SLC35F4: variants seen among roughly 807,000 people sequenced by gnomAD.
SLC35F4 encodes chromosome 14 open reading frame 36.
In SLC35F4, 24 loss-of-function variants were observed where a neutral mutation model predicts 44.2. That is an observed-to-expected ratio of 0.54 (90% CI 0.39 to 0.76). SLC35F4 has a LOEUF of 0.76. Among genes scored for constraint, SLC35F4 ranks in the 30% least tolerant of loss-of-function variants. The pLI, the probability that SLC35F4 is intolerant of heterozygous loss-of-function variation, is 0.00. For synonymous variants in SLC35F4, 238 were observed against 223.6 expected, an observed-to-expected ratio of 1.06 and a Z score of -0.57; for missense variants, 562 against 586.1, an observed-to-expected ratio of 0.96 and a Z score of 0.42.
At position 57,813,531 on chromosome 14, in the gene SLC35F4, A is replaced by G. The variant is rs185694147; in HGVS notation, c.103+52192T>C. Among the ~76,000 whole-genome samples, 888 of 152,326 alleles carry G rather than the reference A, an allele frequency of 5.8e-3. 4 individuals are homozygous for G. The highest frequency in any genetic ancestry group is 7.7e-3 in the Non-Finnish European group (527 of 68,030). On this transcript the variant is annotated intron_variant, in intron 1 of 7. Transcript: ENST00000556826. ...CTTGAACCCAGGAGGCAGAGGTTGC[A>G]GTGAGCAGAGTGAGACTGTCTCAAA...
intron 1 of SLC35F4, among the ~76,000 whole-genome samples, chr14:57,955,300 A>G (rs1180993939): frequency 6.6e-6 from 1 of 152,220 alleles, no homozygotes; most frequent in Non-Finnish European, 1.5e-5. Flanking sequence ...TCTCAAAATA[A>G]TAACAGCTAT....
rs140454583 is a variant in SLC35F4 at position 57,794,183 on chromosome 14, T to G, written c.103+71540A>C. On this transcript the variant is annotated intron_variant, in intron 1 of 7. Coordinates refer to ENST00000556826, the MANE Select transcript of SLC35F4 (RefSeq NM_001306087.2). ...TTATGACTAAGACCCCAAAAACAAA[T>G]GCAACAAAAATAAGTAAGACCAAAC... 2.4e-3 allele frequency among the ~76,000 whole-genome samples: 365 copies of G among 151,940 alleles called. 1 individual carries two copies. Among genetic ancestry groups the G allele is most frequent in the African/African-American group, 8.3e-3 (345 of 41,480 alleles).
chr14:57,592,672 G>A (rs982555397), intron 2 of SLC35F4, among the ~76,000 whole-genome samples: 8 of 152,166 alleles, frequency 5.3e-5, no homozygotes, highest in South Asian at 2.1e-4. Flanking sequence ...TTCACACAGT[G>A]TCTAAGACAT....
At chr14:57,788,547 T>C (rs1041184255) in intron 1 of SLC35F4, among the ~76,000 whole-genome samples, 3 of 152,058 alleles carry the variant, frequency 2.0e-5, no homozygotes, top group African/African-American at 4.8e-5. Flanking sequence ...TTTAAGGAAA[T>C]TGAAATCACA....
At chr14:57,764,840 A>T (rs1013429294) in intron 1 of SLC35F4, among the ~76,000 whole-genome samples, 1 of 152,208 alleles carries the variant, frequency 6.6e-6, no homozygotes, top group Non-Finnish European at 1.5e-5. Flanking sequence ...TCTGTACAAC[A>T]ATGTAAAGTT....
At chr14:57,969,110 C>A (rs942687046) in intron 1 of SLC35F4, among the ~76,000 whole-genome samples, 1 of 152,198 alleles carries the variant, frequency 6.6e-6, no homozygotes, top group Non-Finnish European at 1.5e-5. Context: ...GGTTAAAAAT[C>A]TTTTCCAAAT....
At chr14:57,738,784 T>C (rs1421068598) in intron 1 of SLC35F4, among the ~76,000 whole-genome samples, 8 of 100,780 alleles carry the variant, frequency 7.9e-5, no homozygotes, top group Admixed American at 1.1e-4. Context: ...TATATATATA[T>C]ATAGGCTTCA....
At chr14:57,940,869 G>T (rs942432276) in intron 1 of SLC35F4, among the ~76,000 whole-genome samples, 1 of 152,060 alleles carries the variant, frequency 6.6e-6, no homozygotes, top group Non-Finnish European at 1.5e-5. Flanking sequence ...AGGTTCAAAG[G>T]CAGTAATGCT....
At chr14:57,751,660 G>C (rs2076886661) in intron 1 of SLC35F4, among the ~76,000 whole-genome samples, 1 of 152,142 alleles carries the variant, frequency 6.6e-6, no homozygotes, top group South Asian at 2.1e-4. Context: ...AAGGCAAAAT[G>C]AGATTGTGTA....
intron 1 of SLC35F4, among the ~76,000 whole-genome samples, chr14:57,605,957 C>T (rs2071138549): frequency 6.6e-6 from 1 of 151,992 alleles, no homozygotes; most frequent in Non-Finnish European, 1.5e-5. Flanking sequence ...CTGGGGAAGA[C>T]AAGAGGGGGA....
intron 1 of SLC35F4, among the ~76,000 whole-genome samples, chr14:57,673,156 T>C (rs569274838): frequency 6.6e-6 from 1 of 152,130 alleles, no homozygotes; most frequent in Non-Finnish European, 1.5e-5. Context: ...GCCACTTTTT[T>C]ATGTAAGACA....
At chr14:57,821,444 A>G (rs1422696749) in intron 1 of SLC35F4, among the ~76,000 whole-genome samples, 1 of 152,370 alleles carries the variant, frequency 6.6e-6, no homozygotes, top group East Asian at 1.9e-4. Context: ...AACTATCAAT[A>G]GCTTTTCAAT....
At chr14:57,599,692 A>G (rs1213753133) in intron 1 of SLC35F4, among the ~76,000 whole-genome samples, 1 of 150,846 alleles carries the variant, frequency 6.6e-6, no homozygotes, top group Non-Finnish European at 1.5e-5. Context: ...AAATACAAAA[A>G]TTCTCGTGTT....
intron 1 of SLC35F4, among the ~76,000 whole-genome samples, chr14:57,601,005 T>C (rs1040647230): frequency 6.6e-6 from 1 of 152,042 alleles, no homozygotes; most frequent in Non-Finnish European, 1.5e-5. Context: ...CAATTTATTC[T>C]CTAAAAGCCA....
At chr14:57,871,147 C>A (rs1009774724) in intron 1 of SLC35F4, among the ~76,000 whole-genome samples, 1 of 152,200 alleles carries the variant, frequency 6.6e-6, no homozygotes, top group African/African-American at 2.4e-5. Context: ...GGCTTCCCAG[C>A]TTCAGCAGAT....
intron 1 of SLC35F4, among the ~76,000 whole-genome samples, chr14:57,824,228 T>C (rs1883481903): frequency 6.6e-6 from 1 of 151,974 alleles, no homozygotes; most frequent in South Asian, 2.1e-4. Context: ...TCTGAATCAC[T>C]GGAGTTGAAA....
intron 1 of SLC35F4, among the ~76,000 whole-genome samples, chr14:57,633,906 C>T (rs748419315): frequency 6.6e-6 from 1 of 151,956 alleles, no homozygotes; most frequent in African/African-American, 2.4e-5. Flanking sequence ...CTACCATGGA[C>T]AGAATGCTAA....
intron 1 of SLC35F4, among the ~76,000 whole-genome samples, chr14:57,969,245 C>T (rs1034715254): frequency 6.6e-6 from 1 of 152,146 alleles, no homozygotes; most frequent in Non-Finnish European, 1.5e-5. Context: ...TTTACCACAA[C>T]CTTAGAAAAT....
chr14:57,632,363 T>C (rs2072821619), intron 1 of SLC35F4, among the ~76,000 whole-genome samples: 2 of 151,034 alleles, frequency 1.3e-5, no homozygotes, highest in Non-Finnish European at 3.0e-5. Context: ...CATGTTATAA[T>C]AAAAACAAAA....
Sources: gnomAD v4.1 joint callset for allele counts (sites outside exome capture counted in the v4.1 genomes callset) on GRCh38, gnomAD v4.1.1 for gene constraint, MANE v1.5 for transcripts, NCBI Gene and HGNC (gene_info 2026-07-23, HGNC 2026-07-21) for gene names.